The following RFTN2 variants were observed in gnomAD, a reference collection of about 807,000 sequenced individuals.
The protein encoded by RFTN2 is raftlin family member 2.
Under a neutral mutation model 52.7 loss-of-function variants are expected in RFTN2, and 34 were observed. That is an observed-to-expected ratio of 0.64 (90% CI 0.49 to 0.86). The LOEUF (loss-of-function observed/expected upper bound fraction) is 0.86. Among genes scored for constraint, RFTN2 ranks in the 40% least tolerant of loss-of-function variants. The pLI is 0.00. For synonymous variants in RFTN2, 203 were observed against 217.7 expected (o/e 0.93, Z 0.59); for missense variants, 536 against 600.1 (o/e 0.89, Z 1.12).
In RFTN2 at chr2:197,572,206, G is replaced by A; in HGVS notation, c.1308C>T (p.Thr436=). ...GTCTGCTCTCTGCAGGTTGTGACGA[G>A]GTTGTGTCTAATCCGATGCTTCTAC... The part of the protein sequence containing the change: ...ATSRSIGLDT[T]SSQPAESRHL... Residue 436 remains threonine, a synonymous_variant, in exon 9 of 9, where the codon ACC becomes ACT. Coordinates refer to ENST00000295049, the MANE Select transcript of RFTN2 (RefSeq NM_144629.3). The A allele has an allele frequency of 1.2e-6, 2 of 1,614,244 alleles. No homozygotes were observed. The highest frequency in any genetic ancestry group is 1.7e-6 in the Non-Finnish European group (2 of 1,180,044).
chr2:197,644,148 A>C lies in RFTN2; in HGVS notation c.438+10T>G, dbSNP rs529792634. On this transcript the variant is annotated intron_variant, in intron 3 of 8. Transcript: ENST00000295049. ...TCAATATCCCATGAAAAAGTGCATA[A>C]ATTTAGTACCTTTTCTATCAGTTCT... is the stretch of plus-strand genomic sequence containing the variant. 4 of 1,502,394 alleles carry C rather than the reference A, an allele frequency of 2.7e-6. No individual in the cohort carries two copies. In the South Asian group the frequency reaches 3.4e-5, roughly 13 times the overall value. 93.1% of individuals were successfully genotyped at this position (1,502,394 alleles called of 1,614,324 possible).
intron 8 of RFTN2, among the ~76,000 whole-genome samples, chr2:197,587,344 A>G (rs1158279017): frequency 2.6e-5 from 4 of 152,134 alleles, no homozygotes; most frequent in Non-Finnish European, 5.9e-5. Context: ...TCTTATTAAT[A>G]TAAGAAGAAA....
intron 5 of RFTN2, among the ~76,000 whole-genome samples, chr2:197,629,290 T>C (rs1167722471): frequency 1.3e-5 from 2 of 152,152 alleles, no homozygotes; most frequent in Admixed American, 6.5e-5. Context: ...TTCATGTCCT[T>C]TGTAGGGACA....
chr2:197,647,677 G>A (rs1043313102), intron 1 of RFTN2, among the ~76,000 whole-genome samples: 1 of 152,118 alleles, frequency 6.6e-6, no homozygotes, highest in Non-Finnish European at 1.5e-5. Flanking sequence ...ATTTCTCATG[G>A]TGCTTATGTA....
chr2:197,600,601 G>A (rs1353973400), intron 7 of RFTN2, among the ~76,000 whole-genome samples: 1 of 152,094 alleles, frequency 6.6e-6, no homozygotes, highest in East Asian at 1.9e-4. Flanking sequence ...AGTGGTTCCT[G>A]AGATAATTCT....
chr2:197,578,217 A>G (rs531725550), intron 8 of RFTN2, among the ~76,000 whole-genome samples: 56 of 152,322 alleles, frequency 3.7e-4, no homozygotes, highest in African/African-American at 1.3e-3. Flanking sequence ...GAATTTTCTT[A>G]ATAAAAATGG....
chr2:197,642,166 C>G (rs556025954), intron 3 of RFTN2, among the ~76,000 whole-genome samples: 1 of 152,266 alleles, frequency 6.6e-6, no homozygotes, highest in South Asian at 2.1e-4. Context: ...TCATTAGCAA[C>G]TATAACTGAC....
chr2:197,640,428 A>C (rs1465123768), intron 3 of RFTN2, among the ~76,000 whole-genome samples: 1 of 149,438 alleles, frequency 6.7e-6, no homozygotes, highest in Non-Finnish European at 1.5e-5. Context: ...TGCCGGATAT[A>C]ATCTCGTGGT....
chr2:197,587,946 C>G, intron 8 of RFTN2: 1 of 468,290 alleles, frequency 2.1e-6, no homozygotes, highest in Non-Finnish European at 4.4e-6. Context: ...AGGATTTGTC[C>G]AAGGTCATGA....
chr2:197,626,154 G>A lies in RFTN2; in HGVS notation c.928+4857C>T, dbSNP rs149260916. Among the ~76,000 whole-genome samples, 92 of 152,188 alleles carry A rather than the reference G, an allele frequency of 6.0e-4. 1 individual carries two copies. Among genetic ancestry groups the A allele is most frequent in the African/African-American group, 2.2e-3 (92 of 41,512 alleles). On this transcript the variant is annotated intron_variant, in intron 5 of 8. Transcript: ENST00000295049. ...GTTTAAATCTTTAATGAATGAATTG[G>A]AATAAATATCTTGGTAAAAGCACAC... is the stretch of plus-strand genomic sequence containing the variant.
intron 7 of RFTN2, among the ~76,000 whole-genome samples, chr2:197,603,174 A>T (rs1341846618): frequency 3.3e-5 from 5 of 152,202 alleles, no homozygotes; most frequent in Admixed American, 3.3e-4. Context: ...GTATACATGC[A>T]CGTTGTGCAC....
intron 6 of RFTN2, among the ~76,000 whole-genome samples, chr2:197,616,230 C>T (rs537665536): frequency 1.6e-4 from 21 of 132,080 alleles, no homozygotes; most frequent in Non-Finnish European, 3.0e-4. Flanking sequence ...CAGTGGTTCT[C>T]GAAATTTAAT....
Position 197,617,789 on chromosome 2 carries a change from C to T in RFTN2, c.1050+11G>A. The T allele has an allele frequency of 7.1e-7, 1 of 1,410,128 alleles. No homozygotes were observed. Among genetic ancestry groups the T allele is most frequent in the South Asian group, 1.7e-5 (1 of 57,648 alleles). 87.4% of individuals were successfully genotyped at this position (1,410,128 alleles called of 1,614,324 possible). On this transcript the variant is annotated intron_variant, in intron 6 of 8. Transcript: ENST00000295049. ...TATGTAAAGCTAAATTGTCAGAAAA[C>T]TGCAGCTCACCTCAATAACAGTCCA...
At chr2:197,590,957 G>A (rs911607185) in intron 8 of RFTN2, among the ~76,000 whole-genome samples, 33 of 152,314 alleles carry the variant, frequency 2.2e-4, no homozygotes, top group African/African-American at 7.2e-4. Context: ...CCAGCAGGTT[G>A]CCACTGCTGG....
intron 7 of RFTN2, among the ~76,000 whole-genome samples, chr2:197,609,634 T>G (rs2088022518): frequency 1.3e-5 from 2 of 152,258 alleles, no homozygotes; most frequent in Non-Finnish European, 2.9e-5. Context: ...CACTTTAGTT[T>G]AATTAGATCC....
rs377108852 is a variant in RFTN2, at chr2:197,625,441, A to G, written c.928+5570T>C. 3.9e-4 allele frequency among the ~76,000 whole-genome samples: 60 copies of G among 152,188 alleles called. 1 individual carries two copies. In the South Asian group the frequency reaches 0.012, roughly 32 times the overall value. On this transcript the variant is annotated intron_variant, in intron 5 of 8. Transcript: ENST00000295049. ...TTTTAGTTTTTTTGGTTCCCCTGTC[A>G]TTTTTGGTATTCAACTGCCCAGAGG...
intron 5 of RFTN2, among the ~76,000 whole-genome samples, chr2:197,625,217 AAG>A (rs963202954): frequency 1.3e-5 from 2 of 152,188 alleles, no homozygotes; most frequent in Non-Finnish European, 2.9e-5. Flanking sequence ...ACACTCCAGG[AAG>A]AGTTATATTC....
intron 7 of RFTN2, among the ~76,000 whole-genome samples, chr2:197,606,470 C>A: frequency 6.6e-6 from 1 of 152,062 alleles, no homozygotes; most frequent in Admixed American, 6.6e-5. Flanking sequence ...TCATAAAAAG[C>A]TTTCATTTGG....
chr2:197,591,437 C>T (rs996837958), intron 8 of RFTN2, among the ~76,000 whole-genome samples: 1 of 152,218 alleles, frequency 6.6e-6, no homozygotes, highest in Non-Finnish European at 1.5e-5. Context: ...AATCCCTTAG[C>T]TAGACATAAA....
Sources: gnomAD v4.1 joint callset for allele counts (sites outside exome capture counted in the v4.1 genomes callset) on GRCh38, gnomAD v4.1.1 for gene constraint, MANE v1.5 for transcripts, NCBI Gene and HGNC (gene_info 2026-07-23, HGNC 2026-07-21) for gene names.